Variants in CHRM3 observed in about 807,000 individuals in gnomAD.
The protein encoded by CHRM3 is muscarinic acetylcholine receptor M3.
Under a neutral mutation model 41.8 loss-of-function variants are expected in CHRM3, and 11 were observed. The observed-to-expected ratio is 0.26, with a 90% CI of 0.17 to 0.44. The LOEUF (loss-of-function observed/expected upper bound fraction) is 0.44, where lower values mean the gene tolerates loss of function less well. CHRM3 is among the 20% of genes least tolerant of loss of function. The pLI is 1.00. For synonymous variants in CHRM3, 297 were observed against 301.4 expected, an observed-to-expected ratio of 0.99 and a Z score of 0.15; for missense variants, 571 against 745.4, an observed-to-expected ratio of 0.77 and a Z score of 2.72.
intron 3 of CHRM3, among the ~76,000 whole-genome samples, chr1:239,591,054 G>A (rs1664079712): frequency 6.6e-6 from 1 of 152,144 alleles, no homozygotes; most frequent in African/African-American, 2.4e-5. Context: ...GAACACATGG[G>A]AAACATAATA....
chr1:239,670,597 G>A (rs537411003), intron 4 of CHRM3, among the ~76,000 whole-genome samples: 1 of 152,070 alleles, frequency 6.6e-6, no homozygotes, highest in South Asian at 2.1e-4. Flanking sequence ...TGCAACCTCT[G>A]CCTCCCAGAT....
intron 5 of CHRM3, among the ~76,000 whole-genome samples, chr1:239,739,550 C>T (rs977908867): frequency 8.5e-5 from 13 of 152,088 alleles, no homozygotes; most frequent in African/African-American, 3.1e-4. Context: ...TGAGGTTTCC[C>T]ACCCACTCTT....
chr1:239,908,034 A>T lies in CHRM3; in HGVS notation c.583A>T (p.Ile195Phe). The change falls in exon 7 of 7, where the codon ATC (isoleucine) becomes TTC (phenylalanine). Residue 195 changes from isoleucine (I) to phenylalanine (F), a missense_variant. Ile to Phe is a conservative substitution (Grantham distance 21, BLOSUM62 0). Around this residue, in one of 5 missense-constraint regions of CHRM3, gnomAD observed 153 missense variants for 296.3 expected, o/e 0.52. Coordinates refer to ENST00000676153, the MANE Select transcript of CHRM3 (RefSeq NM_001375978.1). The surrounding 1 kb of genome is among the most constrained non-coding windows in gnomAD (Gnocchi z 7.2). Reference protein sequence around the residue: ...AGVMIGLAWVISFVLWAPAIL... With the variant: ...AGVMIGLAWVFSFVLWAPAIL... ...TGTGATGATCGGTCTGGCTTGGGTC[A>T]TCTCCTTTGTCCTTTGGGCTCCTGC... The T allele has an allele frequency of 6.2e-7, 1 of 1,614,172 alleles. No homozygotes were observed. Among genetic ancestry groups the T allele is most frequent in the East Asian group, 2.2e-5 (1 of 44,860 alleles).
chr1:239,836,293 G>A (rs2149128077), intron 6 of CHRM3, among the ~76,000 whole-genome samples: 1 of 152,268 alleles, frequency 6.6e-6, no homozygotes, highest in East Asian at 1.9e-4. Flanking sequence ...CTTGAGAGGA[G>A]GTGTGTTTTT....
At chr1:239,797,889 A>G (rs1669918278) in intron 5 of CHRM3, among the ~76,000 whole-genome samples, 1 of 152,064 alleles carries the variant, frequency 6.6e-6, no homozygotes, top group Non-Finnish European at 1.5e-5. Flanking sequence ...CTCTACAAAA[A>G]AATTAACAAA....
At chr1:239,704,020 C>A (rs1660916616) in intron 5 of CHRM3, 1 of 152,176 alleles carries the variant, frequency 6.6e-6, no homozygotes, top group African/African-American at 2.4e-5. Flanking sequence ...GAAGGTAATA[C>A]ACATTTATCC....
At chr1:239,753,949 CG>C (rs1666041632) in intron 5 of CHRM3, among the ~76,000 whole-genome samples, 1 of 152,028 alleles carries the variant, frequency 6.6e-6, no homozygotes, top group African/African-American at 2.4e-5. Flanking sequence ...AGCTCATTTC[CG>C]TTTGATTGTA....
At chr1:239,660,804 C>T (rs977563474) in intron 4 of CHRM3, among the ~76,000 whole-genome samples, 14 of 152,126 alleles carry the variant, frequency 9.2e-5, no homozygotes, top group Non-Finnish European at 4.4e-5. Flanking sequence ...TTGCTTGAAC[C>T]TGGGAGGTGG....
chr1:239,656,332 A>AT (rs1672715717), intron 4 of CHRM3, among the ~76,000 whole-genome samples: 1 of 58,334 alleles, frequency 1.7e-5, no homozygotes, highest in Non-Finnish European at 3.7e-5. Context: ...ATTTTTTTTT[A>AT]AAAAAAGGGT....
intron 6 of CHRM3, among the ~76,000 whole-genome samples, chr1:239,828,795 G>A (rs1220105553): frequency 1.3e-5 from 2 of 152,154 alleles, no homozygotes; most frequent in Admixed American, 1.3e-4. Flanking sequence ...AAGGAATGAT[G>A]TGATCTGAGT....
intron 6 of CHRM3, among the ~76,000 whole-genome samples, chr1:239,857,783 T>TTAGTG (rs1306764162): frequency 6.6e-6 from 1 of 152,192 alleles, no homozygotes; most frequent in Non-Finnish European, 1.5e-5. Context: ...CTAGTTTAGT[T>TTAGTG]ATGCACAAAG....
chr1:239,525,188 A>C (rs9428476), intron 2 of CHRM3, among the ~76,000 whole-genome samples: 80,318 of 151,768 alleles, frequency 0.53, 21,483 homozygotes, highest in Middle Eastern at 0.66. Flanking sequence ...CATAGGGAAA[A>C]CCTGTCTCTA....
rs558287504 is a variant in CHRM3 at position 239,434,569 on chromosome 1, G to A, written c.-521+47342G>A. Among the ~76,000 whole-genome samples, 239 of 152,240 alleles carry A rather than the reference G, an allele frequency of 1.6e-3. 1 individual carries two copies. Among genetic ancestry groups the A allele is most frequent in the Admixed American group, 2.4e-3 (36 of 15,284 alleles). On this transcript the variant is annotated intron_variant, in intron 1 of 6. Transcript: ENST00000676153. ...TATATGGGTAGTGGCTACCTTGAGC[G>A]CAGGAACTGTGTCTTATTTACCACT...
intron 5 of CHRM3, among the ~76,000 whole-genome samples, chr1:239,692,295 C>T (rs574256540): frequency 2.2e-4 from 33 of 152,194 alleles, no homozygotes; most frequent in African/African-American, 7.5e-4. Context: ...TTTACATGAA[C>T]TAAGGTCCAA....
intron 3 of CHRM3, among the ~76,000 whole-genome samples, chr1:239,554,483 C>T (rs534494468): frequency 6.6e-5 from 10 of 151,532 alleles, no homozygotes; most frequent in South Asian, 4.2e-4. Context: ...TGTGTGTGCA[C>T]GCACGCAGGC....
At chr1:239,770,376 A>G (rs1667564043) in intron 5 of CHRM3, among the ~76,000 whole-genome samples, 1 of 152,198 alleles carries the variant, frequency 6.6e-6, no homozygotes, top group African/African-American at 2.4e-5. Flanking sequence ...TTTGGCAACA[A>G]CAACAAAAAA....
At chr1:239,790,348 C>T (rs984357942) in intron 5 of CHRM3, among the ~76,000 whole-genome samples, 3 of 152,110 alleles carry the variant, frequency 2.0e-5, no homozygotes, top group Admixed American at 1.3e-4. Context: ...TGTAGTAATA[C>T]CCACACGTCA....
At chr1:239,412,126 T>C (rs9428472) in intron 1 of CHRM3, among the ~76,000 whole-genome samples, 26 of 151,388 alleles carry the variant, frequency 1.7e-4, no homozygotes, top group African/African-American at 6.1e-4. Context: ...GCTGAATTAC[T>C]TAGTGAACTA....
At position 239,488,369 on chromosome 1, in the gene CHRM3, A is replaced by G. The variant is rs553376855; in HGVS notation, c.-520-4340A>G. Among the ~76,000 whole-genome samples the G allele has an allele frequency of 3.9e-5, 6 of 152,292 alleles. No individual in the cohort carries two copies. In the South Asian group the frequency reaches 1.2e-3, roughly 32 times the overall value. ...ACACAACCAGAATGTTCATTAATAG[A>G]GGACCAACTGAATTATAGTAAATCT... On this transcript the variant is annotated intron_variant, in intron 1 of 6. Coordinates refer to ENST00000676153, the MANE Select transcript of CHRM3 (RefSeq NM_001375978.1).
Sources: allele counts gnomAD v4.1 joint callset (sites outside exome capture counted in the v4.1 genomes callset), GRCh38; gene constraint gnomAD v4.1.1; regional missense constraint gnomAD v4.1.1; non-coding constraint Gnocchi (gnomAD v3.1); transcripts MANE v1.5; gene names NCBI Gene and HGNC (gene_info 2026-07-23, HGNC 2026-07-21).